Variants in KHDC1 observed in about 807,000 individuals in gnomAD.
KHDC1 encodes KH homology domain-containing protein 1.
In KHDC1, 21 loss-of-function variants were observed where a neutral mutation model predicts 24.7. The observed-to-expected ratio is 0.85, with a 90% CI of 0.60 to 1.23. The LOEUF (loss-of-function observed/expected upper bound fraction) is 1.23. Among genes scored for constraint, KHDC1 ranks in the 50% most tolerant of loss-of-function variants. The pLI is 0.00. For synonymous variants in KHDC1, 98 were observed against 111.7 expected (o/e 0.88, Z 0.77); for missense variants, 274 against 298.5 (o/e 0.92, Z 0.61).
rs370446904 is a variant in KHDC1, at chr6:73,298,423, A to ATTTTTTTTTTTTTTTTTTTTTT, written c.164-6405_164-6384dup. Among the ~76,000 whole-genome samples the ATTTTTTTTTTTTTTTTTTTTTT allele has an allele frequency of 6.7e-5, 4 of 59,974 alleles. 1 individual carries two copies. Among genetic ancestry groups the ATTTTTTTTTTTTTTTTTTTTTT allele is most frequent in the African/African-American group, 3.0e-4 (4 of 13,288 alleles). The allele number at this position is 59,974 out of a possible 152,430, so 39.3% of individuals were successfully genotyped here. A position where few individuals can be genotyped will look rare whatever the true frequency, so the allele number is the denominator to read the frequency against. On this transcript the variant is annotated intron_variant, in intron 1 of 4. Coordinates refer to ENST00000370384, the Ensembl canonical transcript of KHDC1. ...CCTGGAAGGACTCTATACTTTGCAA[A>ATTTTTTTTTTTTTTTTTTTTTT]TTTTTTTTTTTTTTTTTTTTTTTTT...
At chr6:73,302,055 C>T (rs747236756) in intron 1 of KHDC1, among the ~76,000 whole-genome samples, 1 of 152,016 alleles carries the variant, frequency 6.6e-6, no homozygotes, top group Non-Finnish European at 1.5e-5. Flanking sequence ...TTTGGGAGGC[C>T]GAGGTGGGCA....
At chr6:73,244,882 A>C (rs947662391) in intron 2 of KHDC1, among the ~76,000 whole-genome samples, 4 of 152,166 alleles carry the variant, frequency 2.6e-5, no homozygotes, top group Non-Finnish European at 5.9e-5. Context: ...GCAGTGAGCT[A>C]GTATCACAGC....
chr6:73,309,711 G>A, exon 1 of KHDC1: 5 of 1,550,052 alleles, frequency 3.2e-6, no homozygotes, highest in Non-Finnish European at 4.4e-6. Flanking sequence ...AAGGCCGACA[G>A]CATTTCGCGT....
Position 73,292,953 on chromosome 6 carries a change from TC to T in KHDC1, c.164-914del, listed in dbSNP as rs573794069. 90 of 894,720 alleles carry T rather than the reference TC, an allele frequency of 1.0e-4. 3 individuals carry two copies. In the South Asian group the frequency reaches 1.2e-3, roughly 12 times the overall value. The allele number at this position is 894,720 out of a possible 1,614,324, so 55.4% of individuals were successfully genotyped here. A position where few individuals can be genotyped will look rare whatever the true frequency, so the allele number is the denominator to read the frequency against. ...AAGGATTTCATTGACAATGCCCATC[TC>T]TTCATATTTGAGACTTTCTGTCACA... is the stretch of plus-strand genomic sequence containing the variant. On this transcript the variant is annotated intron_variant, in intron 1 of 4. Transcript: ENST00000370384.
intron 4 of KHDC1, 48 bp from the exon 4 acceptor site, chr6:73,241,776 G>T: frequency 1.3e-6 from 2 of 1,598,844 alleles, no homozygotes; most frequent in Non-Finnish European, 1.7e-6. Context: ...CATAACTGGG[G>T]CCCATTGGCA....
At chr6:73,309,438 G>A (rs1768037505) in intron 1 of KHDC1, 9 of 1,071,452 alleles carry the variant, frequency 8.4e-6, no homozygotes, top group Non-Finnish European at 1.2e-5. Flanking sequence ...AACTGTCCTA[G>A]GCCTTCAGAC....
chr6:73,277,476 G>C (rs576545927), intron 2 of KHDC1, among the ~76,000 whole-genome samples: 1 of 152,176 alleles, frequency 6.6e-6, no homozygotes, highest in Non-Finnish European at 1.5e-5. Context: ...AAAAAAAACA[G>C]AACAAGTCTG....
intron 1 of KHDC1, among the ~76,000 whole-genome samples, chr6:73,308,856 G>A (rs1045982019): frequency 1.4e-4 from 22 of 152,102 alleles, no homozygotes; most frequent in African/African-American, 5.3e-4. Context: ...TCTTGAGACG[G>A]AGTCTCGCTC....
intron 1 of KHDC1, among the ~76,000 whole-genome samples, chr6:73,304,764 T>G (rs1157448070): frequency 6.6e-6 from 1 of 152,204 alleles, no homozygotes; most frequent in Non-Finnish European, 1.5e-5. Flanking sequence ...AGAACTGGAC[T>G]GTGAAACAAG....
intron 2 of KHDC1, among the ~76,000 whole-genome samples, chr6:73,260,293 G>A (rs138478066): frequency 1.8e-3 from 279 of 152,172 alleles, no homozygotes; most frequent in African/African-American, 6.4e-3. Flanking sequence ...TCTGGGCTGG[G>A]GAATGTTAAT....
intron 2 of KHDC1, among the ~76,000 whole-genome samples, chr6:73,248,813 T>C (rs1033879491): frequency 3.9e-5 from 6 of 152,164 alleles, no homozygotes; most frequent in Non-Finnish European, 7.4e-5. Flanking sequence ...TTTCCATCTG[T>C]CCTGTGGAGC....
chr6:73,268,605 G>C (rs1473945876), intron 2 of KHDC1: 4 of 152,174 alleles, frequency 2.6e-5, no homozygotes, highest in African/African-American at 9.7e-5. Context: ...AAGGTTCTCC[G>C]GGTCCCCACT....
At chr6:73,308,466 C>T (rs1768014318) in intron 1 of KHDC1, among the ~76,000 whole-genome samples, 1 of 151,872 alleles carries the variant, frequency 6.6e-6, no homozygotes, top group African/African-American at 2.4e-5. Context: ...CTGCCTCAGC[C>T]TCCCAAAGTG....
chr6:73,242,054 C>G lies in KHDC1; in HGVS notation c.514+1G>C. 6.2e-7 allele frequency: 1 copy of G among 1,609,568 alleles called. No homozygotes were observed. The highest frequency in any genetic ancestry group is 8.5e-7 in the Non-Finnish European group (1 of 1,177,684). ...ACCACAGTTCAGCCAAGGATACCTA[C>G]CTCGAGCATGATGATAGGAGTCCTG... On this transcript the variant is annotated splice_donor_variant, in intron 4 of 4. Coordinates refer to ENST00000370384, the Ensembl canonical transcript of KHDC1. LOFTEE classifies it high-confidence loss of function.
At chr6:73,309,647 A>G (rs1768042283) in exon 1 of KHDC1, 3 of 1,549,982 alleles carry the variant, frequency 1.9e-6, no homozygotes, top group Non-Finnish European at 2.6e-6. Context: ...GAAGATCAGG[A>G]CTCCGTATTC....
intron 2 of KHDC1, among the ~76,000 whole-genome samples, chr6:73,250,484 T>C (rs1002093479): frequency 2.0e-5 from 3 of 152,218 alleles, no homozygotes; most frequent in Admixed American, 1.3e-4. Context: ...GCTACCAACC[T>C]GAAGAGGAAG....
chr6:73,242,652 G>A (rs770227438), intron 2 of KHDC1, 122 bp from the exon 2 acceptor site: 80 of 1,207,932 alleles, frequency 6.6e-5, no homozygotes, highest in Non-Finnish European at 8.2e-5. Context: ...ACTACCTTAG[G>A]GTGGGTGTAC....
chr6:73,261,996 T>C (rs1766988897), intron 2 of KHDC1, among the ~76,000 whole-genome samples: 2 of 151,876 alleles, frequency 1.3e-5, no homozygotes, highest in African/African-American at 4.8e-5. Context: ...AGAGAATTCA[T>C]TGAGCCCGGC....
At chr6:73,297,129 G>A (rs1453356908) in intron 1 of KHDC1, among the ~76,000 whole-genome samples, 1 of 152,056 alleles carries the variant, frequency 6.6e-6, no homozygotes, top group Non-Finnish European at 1.5e-5. Flanking sequence ...TCAAACCCCT[G>A]ACCTCAGGTG....
Sources: gnomAD v4.1 joint callset for allele counts (sites outside exome capture counted in the v4.1 genomes callset) on GRCh38, gnomAD v4.1.1 for gene constraint, MANE v1.5 for transcripts, NCBI Gene and HGNC (gene_info 2026-07-23, HGNC 2026-07-21) for gene names.